PACRGL: variants seen among roughly 807,000 people sequenced by gnomAD.
PACRGL encodes PACRG-like protein.
A neutral mutation model predicts 34.5 loss-of-function variants in PACRGL; 38 were observed. That is an observed-to-expected ratio of 1.10 (90% CI 0.85 to 1.44). The LOEUF (loss-of-function observed/expected upper bound fraction) is 1.44, where lower values mean the gene tolerates loss of function less well. Ranked by LOEUF, PACRGL falls within the 40% of genes most tolerant of loss-of-function variation. PACRGL has a pLI of 0.00. For synonymous variants in PACRGL, 128 were observed against 100.1 expected, an observed-to-expected ratio of 1.28 and a Z score of -1.66; for missense variants, 305 against 281.4, an observed-to-expected ratio of 1.08 and a Z score of -0.60.
chr4:20,723,072 A>G (rs1744104274), intron 7 of PACRGL, among the ~76,000 whole-genome samples: 1 of 152,222 alleles, frequency 6.6e-6, no homozygotes, highest in African/African-American at 2.4e-5. Context: ...TGACTCTATC[A>G]GGATAGGTAT....
chr4:20,735,540 T>G (rs1749409021), downstream of PACRGL, among the ~76,000 whole-genome samples: 2 of 147,072 alleles, frequency 1.4e-5, no homozygotes, highest in Non-Finnish European at 3.0e-5. Flanking sequence ...GTTTTTTTTT[T>G]TTTTTTTGAG....
At chr4:20,736,236 A>G (rs1234244890), downstream of PACRGL, among the ~76,000 whole-genome samples, 1 of 152,156 alleles carries the variant, frequency 6.6e-6, no homozygotes, top group Non-Finnish European at 1.5e-5. Flanking sequence ...ACAGACTTCT[A>G]TACTTTTTTT....
rs2149265242 is a variant in PACRGL, at chr4:20,732,552, G to A, written c.*5211G>A. 1.5e-6 allele frequency: 1 copy of A among 680,440 alleles called. No individual in the cohort carries two copies. Among genetic ancestry groups the A allele is most frequent in the South Asian group, 1.6e-5 (1 of 60,876 alleles). 42.2% of individuals were successfully genotyped at this position (680,440 alleles called of 1,614,324 possible). ...ACCAAAGCTATTAAATTAATAGGAT[G>A]CTAAATACTGTTTTGTTTCAGTAAA... On this transcript the variant is annotated 3_prime_UTR_variant, in exon 9 of 9. Coordinates refer to ENST00000503585, the MANE Select transcript of PACRGL (RefSeq NM_001258345.3).
chr4:20,717,524 A>G (rs1391848628), intron 7 of PACRGL, among the ~76,000 whole-genome samples: 9 of 152,200 alleles, frequency 5.9e-5, no homozygotes, highest in Non-Finnish European at 1.2e-4. Context: ...AGTGTAAGGA[A>G]GGGATCCAGT....
In PACRGL at chr4:20,738,129, C is replaced by CAAA. The variant is rs200429048; in HGVS notation, c.*56+10746_*56+10748dup. On this transcript the variant is annotated intron_variant, in intron 8 of 8. Transcript: ENST00000507634. ...TGGATGACAGACCAAGACTCTGTCT[C>CAAA]AAAAAAAAAAAAAAAATCCTTAGCT... is the stretch of plus-strand genomic sequence containing the variant. Among the ~76,000 whole-genome samples the CAAA allele has an allele frequency of 2.5e-3, 288 of 115,592 alleles. 4 individuals carry two copies. In the South Asian group the frequency reaches 0.051, roughly 21 times the overall value. The allele number at this position is 115,592 out of a possible 152,430, so 75.8% of individuals were successfully genotyped here.
At chr4:20,699,341 A>G (rs2149014139), upstream of PACRGL, among the ~76,000 whole-genome samples, 1 of 152,338 alleles carries the variant, frequency 6.6e-6, no homozygotes, top group Middle Eastern at 3.4e-3. Flanking sequence ...AAAGATAGGT[A>G]AATACATTAT....
downstream of PACRGL, among the ~76,000 whole-genome samples, chr4:20,736,085 C>T (rs1749561946): frequency 6.6e-6 from 1 of 152,240 alleles, no homozygotes; most frequent in African/African-American, 2.4e-5. Context: ...TGTAAGCTGC[C>T]TGGTGAAAAA....
chr4:20,702,439 A>G (rs967617429), intron 1 of PACRGL, among the ~76,000 whole-genome samples: 9 of 152,190 alleles, frequency 5.9e-5, no homozygotes, highest in Non-Finnish European at 1.3e-4. Context: ...TGGTTTCACT[A>G]TTAGTAATAG....
rs112299421 is a variant in PACRGL at position 20,723,775 on chromosome 4, AG to A, written c.610-1032del. Among the ~76,000 whole-genome samples, 1,081 of 152,224 alleles carry A rather than the reference AG, an allele frequency of 7.1e-3. 14 individuals are homozygous for A. Among genetic ancestry groups the A allele is most frequent in the African/African-American group, 0.024 (996 of 41,532 alleles). Reference sequence around the variant, plus strand: ...GGGTATCTAGCTTTCCTGGGCTGCCAGCACTTTGGGAAGACCTAGACACCAC... The same window carrying A: ...GGGTATCTAGCTTTCCTGGGCTGCCACACTTTGGGAAGACCTAGACACCAC... On this transcript the variant is annotated intron_variant, in intron 7 of 8. Transcript: ENST00000503585.
chr4:20,724,547 A>G (rs1744831696), intron 7 of PACRGL, among the ~76,000 whole-genome samples: 2 of 152,212 alleles, frequency 1.3e-5, no homozygotes, highest in South Asian at 4.1e-4. Context: ...GAATCACAAA[A>G]TATGCTATTT....
chr4:20,722,640 C>G (rs1469269907), intron 7 of PACRGL, among the ~76,000 whole-genome samples: 1 of 152,186 alleles, frequency 6.6e-6, no homozygotes, highest in Non-Finnish European at 1.5e-5. Flanking sequence ...TACACCCTCT[C>G]TAGAAATCGA....
chr4:20,707,261 T>C (rs897192500), intron 3 of PACRGL, among the ~76,000 whole-genome samples: 3 of 152,208 alleles, frequency 2.0e-5, no homozygotes, highest in African/African-American at 4.8e-5. Flanking sequence ...GCTATTCATA[T>C]ATAGCAAAAC....
intron 8 of PACRGL, among the ~76,000 whole-genome samples, chr4:20,738,510 A>G (rs924388667): frequency 3.3e-5 from 5 of 152,148 alleles, no homozygotes; most frequent in African/African-American, 1.2e-4. Flanking sequence ...GCTTCCAGGG[A>G]TCACACTTTG....
rs556657623 is a variant in PACRGL at position 20,732,313 on chromosome 4, C to T, written c.*4972C>T. Among the ~76,000 whole-genome samples, 9 of 152,270 alleles carry T rather than the reference C, an allele frequency of 5.9e-5. No homozygotes were observed. Among genetic ancestry groups the T allele is most frequent in the Non-Finnish European group, 1.2e-4 (8 of 68,020 alleles). ...AGAGTCACTCTGTCCTAGGTAAAAT[C>T]CCACCTTCTAGATGTGACAGAGCTT... On this transcript the variant is annotated 3_prime_UTR_variant, in exon 9 of 9. Coordinates refer to ENST00000503585, the MANE Select transcript of PACRGL (RefSeq NM_001258345.3).
intron 3 of PACRGL, among the ~76,000 whole-genome samples, chr4:20,705,546 G>A (rs1317226522): frequency 6.6e-6 from 1 of 152,072 alleles, no homozygotes; most frequent in African/African-American, 2.4e-5. Context: ...GAGCGGCTAT[G>A]TTCCTTTGCT....
upstream of PACRGL, chr4:20,696,347 A>G (rs75062103): frequency 7.9e-5 from 12 of 152,290 alleles, no homozygotes; most frequent in Non-Finnish European, 1.6e-4. Flanking sequence ...TTAGCTCTCA[A>G]TGAGAACCTG....
At chr4:20,744,586 G>C (rs570051802) in intron 8 of PACRGL, among the ~76,000 whole-genome samples, 3 of 151,674 alleles carry the variant, frequency 2.0e-5, no homozygotes, top group Admixed American at 6.6e-5. Context: ...TTGGACATAG[G>C]ATGGAGAACA....
At chr4:20,723,506 A>G (rs958495846) in intron 7 of PACRGL, among the ~76,000 whole-genome samples, 1 of 150,762 alleles carries the variant, frequency 6.6e-6, no homozygotes, top group African/African-American at 2.4e-5. Context: ...GAAAATTGGG[A>G]TGGAGTCAAA....
intron 2 of PACRGL, 33 bp from the exon 3 acceptor site, chr4:20,704,627 C>A: frequency 6.2e-7 from 1 of 1,613,514 alleles, no homozygotes; most frequent in Non-Finnish European, 8.5e-7. Flanking sequence ...ATTGCTTGTA[C>A]CTGGTTTCTA....
Sources: gnomAD v4.1 joint callset for allele counts (sites outside exome capture counted in the v4.1 genomes callset) on GRCh38, gnomAD v4.1.1 for gene constraint, MANE v1.5 for transcripts, NCBI Gene and HGNC (gene_info 2026-07-23, HGNC 2026-07-21) for gene names.